COL24A1: variants seen among roughly 807,000 people sequenced by gnomAD.
COL24A1 encodes collagen alpha-1(XXIV) chain.
COL24A1 carries 224 observed loss-of-function variants against 253.9 expected under a neutral mutation model. The observed-to-expected ratio is 0.88, with a 90% CI of 0.79 to 0.99. COL24A1 has a LOEUF of 0.99. Ranked by LOEUF, COL24A1 falls within the 50% of genes least tolerant of loss-of-function variation. The pLI is 0.00. For missense variants in COL24A1, 2,131 were observed against 2,068.5 expected, an observed-to-expected ratio of 1.03 and a Z score of -0.59; for synonymous variants, 685 against 673.7, an observed-to-expected ratio of 1.02 and a Z score of -0.26.
At position 86,061,181 on chromosome 1, in the gene COL24A1, CA is replaced by C. The variant is rs778326206; in HGVS notation, c.1753-2008del. ...GTCTCCCTAGTGTGAGTTTGAAGTG[CA>C]AAAAACATCCAATAGCACTCCAAGG... On this transcript the variant is annotated intron_variant, in intron 8 of 59. Coordinates refer to ENST00000370571, the MANE Select transcript of COL24A1 (RefSeq NM_152890.7). Among the ~76,000 whole-genome samples, 6 of 152,020 alleles carry C rather than the reference CA, an allele frequency of 3.9e-5. No homozygotes were observed. In the East Asian group the frequency reaches 7.7e-4, roughly 20 times the overall value.
intron 20 of COL24A1, among the ~76,000 whole-genome samples, chr1:85,984,018 C>T (rs942672046): frequency 3.3e-5 from 5 of 151,792 alleles, no homozygotes; most frequent in African/African-American, 4.8e-5. Context: ...GTAGTAAGTA[C>T]TAACATTGTT....
intron 59 of COL24A1, 126 bp from the exon 60 acceptor site, chr1:85,730,818 A>G: frequency 1.1e-6 from 1 of 896,622 alleles, no homozygotes; most frequent in Non-Finnish European, 1.7e-6. Flanking sequence ...AAGTGCCTAG[A>G]ACAATGCTCA....
At chr1:86,114,673 T>C (rs1296084508) in intron 4 of COL24A1, among the ~76,000 whole-genome samples, 3 of 152,224 alleles carry the variant, frequency 2.0e-5, no homozygotes, top group East Asian at 1.9e-4. Flanking sequence ...TTTTTCTTTA[T>C]AATCTTTGTA....
chr1:85,958,136 T>C (rs915572278), intron 24 of COL24A1, among the ~76,000 whole-genome samples: 16 of 152,154 alleles, frequency 1.1e-4, no homozygotes, highest in African/African-American at 3.9e-4. Flanking sequence ...TTCATCGTTT[T>C]ACTGCTGAAA....
chr1:85,846,541 C>A (rs1483734429), intron 39 of COL24A1, among the ~76,000 whole-genome samples: 2 of 151,342 alleles, frequency 1.3e-5, no homozygotes, highest in Non-Finnish European at 3.0e-5. Context: ...GATTGCAAAT[C>A]AATAAGAAAA....
intron 7 of COL24A1, among the ~76,000 whole-genome samples, chr1:86,072,245 G>A (rs1315518112): frequency 6.6e-6 from 1 of 152,172 alleles, no homozygotes; most frequent in Non-Finnish European, 1.5e-5. Flanking sequence ...AGCCCATGAA[G>A]CTAAAATCCA....
rs1570584884 is a variant in COL24A1, at chr1:85,780,498, C to G, written c.4338+722G>C. 2.0e-5 allele frequency among the ~76,000 whole-genome samples: 3 copies of G among 152,232 alleles called. No homozygotes were observed. The South Asian group carries it at 6.2e-4, about 32-fold the overall frequency. On this transcript the variant is annotated intron_variant, in intron 52 of 59. Transcript: ENST00000370571. ...TTTCATAGCCAAATTTCTTAAAGCA[C>G]TGGCATATAATACCTCAATTTCCTC...
chr1:86,102,755 G>A (rs1704579140), intron 5 of COL24A1, among the ~76,000 whole-genome samples: 1 of 152,144 alleles, frequency 6.6e-6, no homozygotes, highest in African/African-American at 2.4e-5. Context: ...TGGTTGGTAT[G>A]AATTCAATTC....
chr1:85,742,041 T>C (rs1455128800), intron 57 of COL24A1, among the ~76,000 whole-genome samples: 2 of 152,210 alleles, frequency 1.3e-5, no homozygotes, highest in Non-Finnish European at 2.9e-5. Context: ...CAGTGATAGC[T>C]GCTTCTTAGT....
intron 11 of COL24A1, among the ~76,000 whole-genome samples, chr1:86,049,033 G>T (rs1045256044): frequency 6.6e-6 from 1 of 152,152 alleles, no homozygotes; most frequent in Non-Finnish European, 1.5e-5. Flanking sequence ...GAACCATTGG[G>T]TCAAGAAGTA....
At chr1:85,944,224 C>T (rs1689021840) in intron 24 of COL24A1, among the ~76,000 whole-genome samples, 1 of 152,160 alleles carries the variant, frequency 6.6e-6, no homozygotes, top group Non-Finnish European at 1.5e-5. Context: ...TGGGTATAGA[C>T]AATTACCAAC....
At chr1:86,131,950 A>G (rs977170458) in intron 2 of COL24A1, among the ~76,000 whole-genome samples, 2 of 152,168 alleles carry the variant, frequency 1.3e-5, no homozygotes. Flanking sequence ...GATTTCCACA[A>G]TTGTTGAACT....
chr1:85,976,450 C>T (rs1244349146), intron 20 of COL24A1, among the ~76,000 whole-genome samples: 1 of 152,122 alleles, frequency 6.6e-6, no homozygotes, highest in Admixed American at 6.6e-5. Flanking sequence ...CCAAGAACCA[C>T]ACCCCCTCCC....
At chr1:85,987,308 C>T (rs1336291537) in intron 20 of COL24A1, among the ~76,000 whole-genome samples, 1 of 151,730 alleles carries the variant, frequency 6.6e-6, no homozygotes, top group Non-Finnish European at 1.5e-5. Context: ...CATCCATTTA[C>T]TTATTTTCAG....
intron 47 of COL24A1, among the ~76,000 whole-genome samples, chr1:85,792,595 C>G (rs954668314): frequency 1.3e-5 from 2 of 151,170 alleles, no homozygotes; most frequent in South Asian, 4.2e-4. Flanking sequence ...GTAGCCTTAG[C>G]TGCTTGGGAA....
chr1:85,924,553 GAACCAAC>G (rs1686956137), intron 24 of COL24A1, among the ~76,000 whole-genome samples: 1 of 152,084 alleles, frequency 6.6e-6, no homozygotes, highest in Non-Finnish European at 1.5e-5. Context: ...CACATAAACA[GAACCAAC>G]AACAAAAACC....
chr1:85,922,635 C>T (rs888835439), intron 24 of COL24A1, among the ~76,000 whole-genome samples: 7 of 152,106 alleles, frequency 4.6e-5, no homozygotes, highest in Non-Finnish European at 1.0e-4. Context: ...ATTTTGTCAC[C>T]ACCAGGCCTG....
At chr1:86,154,178 G>A (rs1007957826) in intron 1 of COL24A1, 1 of 151,840 alleles carries the variant, frequency 6.6e-6, no homozygotes, top group East Asian at 1.9e-4. Context: ...AGGGTTGGTG[G>A]CATTATTTTT....
chr1:86,019,700 TA>T (rs1336864319), intron 18 of COL24A1, among the ~76,000 whole-genome samples: 3 of 151,730 alleles, frequency 2.0e-5, no homozygotes, highest in Non-Finnish European at 2.9e-5. Context: ...AAAAGTTTGA[TA>T]AAACAAATAA....
Sources: gnomAD v4.1 joint callset for allele counts (sites outside exome capture counted in the v4.1 genomes callset) on GRCh38, gnomAD v4.1.1 for gene constraint, MANE v1.5 for transcripts, NCBI Gene and HGNC (gene_info 2026-07-23, HGNC 2026-07-21) for gene names.